ETFA: variants seen among roughly 807,000 people sequenced by gnomAD.
ETFA encodes electron transfer flavoprotein subunit alpha, mitochondrial.
ETFA carries 22 observed loss-of-function variants against 46.2 expected under a neutral mutation model. The observed-to-expected ratio is 0.48, with a 90% CI of 0.34 to 0.68. ETFA has a LOEUF of 0.68. Ranked by LOEUF, ETFA falls within the 30% of genes least tolerant of loss-of-function variation. The probability of loss-of-function intolerance (pLI) is 0.01; values close to 1 mark genes in which losing one functional copy is unlikely to be tolerated. For synonymous variants in ETFA, 131 were observed against 139.9 expected, an observed-to-expected ratio of 0.94 and a Z score of 0.45; for missense variants, 345 against 401.1, an observed-to-expected ratio of 0.86 and a Z score of 1.19.
chr15:76,286,615 T>C, intron 5 of ETFA, 134 bp from the exon 6 acceptor site: 3 of 690,954 alleles, frequency 4.3e-6, no homozygotes, highest in Admixed American at 4.4e-5. Context: ...CTCTATTAAG[T>C]ATAGGAAAAA....
At chr15:76,238,231 T>C (rs2039147576) in intron 9 of ETFA, among the ~76,000 whole-genome samples, 1 of 152,200 alleles carries the variant, frequency 6.6e-6, no homozygotes, top group Non-Finnish European at 1.5e-5. Context: ...TTTTTGTTTA[T>C]ATGAAATACG....
intron 1 of ETFA, 55 bp downstream of exon 1, chr15:76,311,295 G>C (rs940294918): frequency 5.3e-5 from 81 of 1,542,398 alleles, no homozygotes; most frequent in Non-Finnish European, 7.1e-5. Flanking sequence ...ACCCCATAGG[G>C]ACGGCGGGTT....
At chr15:76,259,595 G>A (rs758044442) in intron 9 of ETFA, 47 of 1,044,066 alleles carry the variant, frequency 4.5e-5, no homozygotes, top group Non-Finnish European at 4.0e-5. Context: ...CAGTATACAG[G>A]TTGTCAGCCA....
intron 9 of ETFA, among the ~76,000 whole-genome samples, chr15:76,263,288 C>A (rs890626903): frequency 2.0e-5 from 3 of 152,144 alleles, no homozygotes; most frequent in African/African-American, 7.2e-5. Context: ...GACTTTGTAG[C>A]CCCCATGGCC....
intron 9 of ETFA, among the ~76,000 whole-genome samples, chr15:76,238,027 C>A (rs564953314): frequency 6.6e-6 from 1 of 152,064 alleles, no homozygotes; most frequent in African/African-American, 2.4e-5. Flanking sequence ...GGATACATAT[C>A]CCAGATGCAA....
intron 10 of ETFA, 37 bp from the exon 11 acceptor site, chr15:76,225,966 G>T: frequency 7.9e-7 from 1 of 1,266,702 alleles, no homozygotes. Context: ...CTTTTACCAA[G>T]AAAACATTTC....
chr15:76,216,679 G>T, intron 11 of ETFA, 82 bp from the exon 12 acceptor site: 1 of 925,700 alleles, frequency 1.1e-6, no homozygotes. Context: ...TTACAGGGAG[G>T]CCAAAAGAAA....
At chr15:76,259,197 A>G in intron 9 of ETFA, 1 of 1,533,700 alleles carries the variant, frequency 6.5e-7, no homozygotes, top group South Asian at 1.1e-5. Flanking sequence ...CCCGCTAGGC[A>G]GCTCCAGGCT....
chr15:76,257,708 C>T (rs1406778305), intron 9 of ETFA, among the ~76,000 whole-genome samples: 15 of 151,892 alleles, frequency 9.9e-5, no homozygotes, highest in Non-Finnish European at 1.9e-4. Context: ...GCTATAAAGA[C>T]ACATGCACAC....
intron 9 of ETFA, among the ~76,000 whole-genome samples, chr15:76,256,091 C>T (rs1351120257): frequency 6.6e-6 from 1 of 151,640 alleles, no homozygotes; most frequent in Non-Finnish European, 1.5e-5. Flanking sequence ...AACCTTATCT[C>T]CACTAAAAAT....
At chr15:76,270,667 A>G (rs1327916871) in intron 9 of ETFA, among the ~76,000 whole-genome samples, 3 of 152,296 alleles carry the variant, frequency 2.0e-5, no homozygotes, top group South Asian at 2.1e-4. Context: ...GACAGGAAAA[A>G]TACAAAATGA....
intron 1 of ETFA, 46 bp from the exon 2 acceptor site, chr15:76,295,783 A>T: frequency 1.4e-6 from 2 of 1,407,258 alleles, no homozygotes; most frequent in Non-Finnish European, 1.9e-6. Context: ...ATGTTGTCAC[A>T]GGGTTTTTTT....
At chr15:76,286,590 C>T in intron 5 of ETFA, 109 bp from the exon 6 acceptor site, 6 of 740,026 alleles carry the variant, frequency 8.1e-6, no homozygotes, top group Admixed American at 8.1e-5. Flanking sequence ...TAACTATTGA[C>T]CAGTTGTCTT....
In ETFA at chr15:76,292,532, T is replaced by C; in HGVS notation, c.269-19A>G. ...AGTTCCTCTGAGAATTAAACACATT[T>C]GATAAAAAAATATTTTGAAATACTT... is the stretch of plus-strand genomic sequence containing the variant. On this transcript the variant is annotated intron_variant, in intron 3 of 11. Transcript: ENST00000557943. 2.5e-6 allele frequency: 4 copies of C among 1,606,592 alleles called. No homozygotes were observed. The highest frequency in any genetic ancestry group is 3.4e-6 in the Non-Finnish European group (4 of 1,173,088).
intron 1 of ETFA, among the ~76,000 whole-genome samples, chr15:76,305,534 G>A (rs1193078020): frequency 1.3e-5 from 2 of 152,168 alleles, no homozygotes; most frequent in African/African-American, 4.8e-5. Context: ...AGACTTGGTT[G>A]CAAATAGCAA....
rs113400088 is a variant in ETFA, at chr15:76,241,597, C to T, written c.817-10199G>A. ...AGGCGGATCACGAGGTCAGGAGATC[C>T]AGACCATCCTGGCCAACACGGTGAA... On this transcript the variant is annotated intron_variant, in intron 9 of 11. Coordinates refer to ENST00000557943, the MANE Select transcript of ETFA (RefSeq NM_000126.4). 4.6e-3 allele frequency among the ~76,000 whole-genome samples: 692 copies of T among 151,712 alleles called. 6 individuals carry two copies. Among genetic ancestry groups the T allele is most frequent in the African/African-American group, 0.016 (656 of 41,408 alleles).
chr15:76,215,664 C>T lies in ETFA; in HGVS notation c.*895G>A, dbSNP rs1258844579. On this transcript the variant is annotated 3_prime_UTR_variant, in exon 12 of 12. Transcript: ENST00000557943. ...TCCACACCAGCTGCAGCCCTGGTGA[C>T]ACTCTTGGACCTCAGCTGTGCCCTG... 1.3e-5 allele frequency: 2 copies of T among 152,278 alleles called. No homozygotes were observed. Among genetic ancestry groups the T allele is most frequent in the African/African-American group, 2.4e-5 (1 of 41,432 alleles). The allele number at this position is 152,278 out of a possible 1,614,324, so 9.4% of individuals were successfully genotyped here.
chr15:76,281,074 C>T lies in ETFA; in HGVS notation c.733+2683G>A, dbSNP rs183545429. Among the ~76,000 whole-genome samples, 345 of 152,184 alleles carry T rather than the reference C, an allele frequency of 2.3e-3. 1 individual carries two copies. The highest frequency in any genetic ancestry group is 7.8e-3 in the African/African-American group (324 of 41,522). ...GGACTACAGGTACGTGCCACCATAC[C>T]CATCTAATTTTTGTATTTTTAGTAG... On this transcript the variant is annotated intron_variant, in intron 8 of 11. Transcript: ENST00000557943.
At chr15:76,268,452 C>T (rs888263085) in intron 9 of ETFA, among the ~76,000 whole-genome samples, 1 of 152,146 alleles carries the variant, frequency 6.6e-6, no homozygotes. Flanking sequence ...ACCCCCATAA[C>T]ATGGGACAGA....
Sources: allele counts gnomAD v4.1 joint callset (sites outside exome capture counted in the v4.1 genomes callset), GRCh38; gene constraint gnomAD v4.1.1; transcripts MANE v1.5; gene names NCBI Gene and HGNC (gene_info 2026-07-23, HGNC 2026-07-21).